Variants in ZNF678 observed in about 807,000 individuals in gnomAD.
The protein encoded by ZNF678 is zinc finger protein 678.
ZNF678 carries 5 observed loss-of-function variants against 3.0 expected under a neutral mutation model. That is an observed-to-expected ratio of 1.69 (90% CI 0.88 to 3.56). ZNF678 has a LOEUF of 3.56. ZNF678 is among the 30% of genes most tolerant of loss of function. The pLI, the probability that ZNF678 is intolerant of heterozygous loss-of-function variation, is 0.00. For missense variants in ZNF678, 593 were observed against 605.0 expected (o/e 0.98, Z 0.21); for synonymous variants, 218 against 199.6 (o/e 1.09, Z -0.78).
At chr1:227,634,046 G>C (rs1198721483) in intron 1 of ZNF678, among the ~76,000 whole-genome samples, 1 of 152,136 alleles carries the variant, frequency 6.6e-6, no homozygotes, top group African/African-American at 2.4e-5. Context: ...AGCCACAGCA[G>C]AATAGGGCAG....
At chr1:227,583,787 C>T (rs2102730788) in intron 1 of ZNF678, among the ~76,000 whole-genome samples, 1 of 152,192 alleles carries the variant, frequency 6.6e-6, no homozygotes, top group African/African-American at 2.4e-5. Flanking sequence ...GTAGAGAAAC[C>T]AACCAGAGTC....
intron 1 of ZNF678, among the ~76,000 whole-genome samples, chr1:227,585,473 A>T (rs1446470339): frequency 1.3e-5 from 2 of 152,156 alleles, no homozygotes; most frequent in African/African-American, 4.8e-5. Context: ...GAAATAGAAA[A>T]CAAAATGCTT....
exon 6 of ZNF678, chr1:227,677,288 A>G (rs1376905634): frequency 6.6e-6 from 1 of 152,196 alleles, no homozygotes; most frequent in African/African-American, 2.4e-5. Flanking sequence ...GCTCCACCCA[A>G]GTTGGGAAGC....
chr1:227,597,531 C>T (rs1657625569), intron 1 of ZNF678, among the ~76,000 whole-genome samples: 1 of 152,172 alleles, frequency 6.6e-6, no homozygotes, highest in Non-Finnish European at 1.5e-5. Flanking sequence ...AAAATAATTC[C>T]TCTCCCAAGC....
downstream of ZNF678, among the ~76,000 whole-genome samples, chr1:227,664,858 C>T (rs1438970877): frequency 6.6e-6 from 1 of 152,108 alleles, no homozygotes; most frequent in Admixed American, 6.5e-5. Flanking sequence ...TCACGCTCCC[C>T]ACCATGTCAG....
intron 1 of ZNF678, among the ~76,000 whole-genome samples, chr1:227,628,873 G>T (rs1232148901): frequency 6.6e-6 from 1 of 152,236 alleles, no homozygotes; most frequent in Admixed American, 6.5e-5. Context: ...GAGATATTGG[G>T]TTTGAAGGAT....
chr1:227,599,086 G>A, intron 1 of ZNF678: 1 of 1,596,560 alleles, frequency 6.3e-7, no homozygotes, highest in Non-Finnish European at 8.6e-7. Flanking sequence ...CTGAAGACTG[G>A]ATTGGACCCC....
At chr1:227,630,239 A>G (rs1178876172) in intron 1 of ZNF678, among the ~76,000 whole-genome samples, 2 of 152,186 alleles carry the variant, frequency 1.3e-5, no homozygotes, top group East Asian at 1.9e-4. Flanking sequence ...AGTGGACATC[A>G]TTGAATAATT....
At chr1:227,674,728 G>A (rs530839519) in intron 5 of ZNF678, among the ~76,000 whole-genome samples, 2 of 151,054 alleles carry the variant, frequency 1.3e-5, no homozygotes, top group African/African-American at 4.9e-5. Context: ...TCAGCCTTCC[G>A]AGTAGCTAGG....
chr1:227,670,205 C>T (rs1026637741), intron 5 of ZNF678, among the ~76,000 whole-genome samples: 3 of 152,148 alleles, frequency 2.0e-5, no homozygotes, highest in Non-Finnish European at 4.4e-5. Context: ...GAAAGACTAC[C>T]TGTGGGTGCC....
intron 1 of ZNF678, among the ~76,000 whole-genome samples, chr1:227,583,875 C>T (rs1291939935): frequency 6.6e-6 from 1 of 152,184 alleles, no homozygotes; most frequent in Non-Finnish European, 1.5e-5. Flanking sequence ...GCTACTCAAT[C>T]ACCATTTCTA....
chr1:227,573,450 A>G (rs189329661), intron 1 of ZNF678, among the ~76,000 whole-genome samples: 1 of 152,384 alleles, frequency 6.6e-6, no homozygotes, highest in Non-Finnish European at 1.5e-5. Context: ...ATTTCAGGTC[A>G]TGCATAATGT....
At chr1:227,633,397 C>G (rs1321566108) in intron 1 of ZNF678, among the ~76,000 whole-genome samples, 1 of 152,192 alleles carries the variant, frequency 6.6e-6, no homozygotes, top group African/African-American at 2.4e-5. Context: ...TTACCTCCAG[C>G]TTTTAGCCTA....
At chr1:227,667,895 A>G (rs1457506523) in intron 5 of ZNF678, among the ~76,000 whole-genome samples, 1 of 152,206 alleles carries the variant, frequency 6.6e-6, no homozygotes, top group Non-Finnish European at 1.5e-5. Flanking sequence ...TATCTAATTT[A>G]TTGAGAAAAG....
At chr1:227,648,257 CTG>C (rs1448125592) in intron 2 of ZNF678, among the ~76,000 whole-genome samples, 14 of 152,064 alleles carry the variant, frequency 9.2e-5, no homozygotes, top group East Asian at 1.9e-4. Context: ...TTTTAAATAA[CTG>C]TATTTTAAAT....
intron 1 of ZNF678, among the ~76,000 whole-genome samples, chr1:227,624,607 G>C (rs2999750): frequency 0.21 from 31,318 of 152,220 alleles, 3,348 homozygotes; most frequent in East Asian, 0.25. Flanking sequence ...ACCTGGGGTT[G>C]TTGGCCTCAC....
At chr1:227,643,465 C>T (rs1029279618) in intron 1 of ZNF678, among the ~76,000 whole-genome samples, 2 of 152,108 alleles carry the variant, frequency 1.3e-5, no homozygotes, top group African/African-American at 4.8e-5. Flanking sequence ...TGCCCAGATT[C>T]ACCCTCTTCG....
chr1:227,618,588 C>G (rs1380481105), intron 1 of ZNF678, among the ~76,000 whole-genome samples: 1 of 152,144 alleles, frequency 6.6e-6, no homozygotes, highest in Non-Finnish European at 1.5e-5. Context: ...CCAGGCAGGC[C>G]ACTGTCATTC....
At chr1:227,598,340 T>C (rs1657647808) in intron 1 of ZNF678, 1 of 1,275,536 alleles carries the variant, frequency 7.8e-7, no homozygotes, top group South Asian at 1.8e-5. Flanking sequence ...TCGTGGATTT[T>C]AGTAAATATG....
Sources: allele counts gnomAD v4.1 joint callset (sites outside exome capture counted in the v4.1 genomes callset), GRCh38; gene constraint gnomAD v4.1.1; transcripts MANE v1.5; gene names NCBI Gene and HGNC (gene_info 2026-07-23, HGNC 2026-07-21).